ALDH1L1: variants seen among roughly 807,000 people sequenced by gnomAD.
ALDH1L1 encodes the protein aldehyde dehydrogenase 1 family member L1.
In ALDH1L1, 68 loss-of-function variants were observed where a neutral mutation model predicts 101.1. The observed-to-expected ratio is 0.67, with a 90% CI of 0.55 to 0.82. The LOEUF is 0.82. Among genes scored for constraint, ALDH1L1 ranks in the 40% least tolerant of loss-of-function variants. The pLI is 0.00. For synonymous variants in ALDH1L1, 486 were observed against 470.8 expected (o/e 1.03, Z -0.42); for missense variants, 1,087 against 1,172.7 (o/e 0.93, Z 1.07).
intron 1 of ALDH1L1, among the ~76,000 whole-genome samples, chr3:126,192,518 C>A (rs983364104): frequency 6.6e-6 from 1 of 152,194 alleles, no homozygotes; most frequent in South Asian, 2.1e-4. Flanking sequence ...GTGGAGAGCA[C>A]AACAGATCTC....
At chr3:126,144,290 A>C (rs1218272049) in intron 9 of ALDH1L1, among the ~76,000 whole-genome samples, 1 of 152,220 alleles carries the variant, frequency 6.6e-6, no homozygotes, top group East Asian at 1.9e-4. Flanking sequence ...TACTGCCCAA[A>C]GTTATGTACA....
At chr3:126,135,504 A>C (rs755490577) in intron 12 of ALDH1L1, 31 bp downstream of exon 12, 1 of 1,594,262 alleles carries the variant, frequency 6.3e-7, no homozygotes, top group Non-Finnish European at 8.5e-7. Flanking sequence ...TGATGGTGGC[A>C]GTGGCTGGCA....
At chr3:126,114,435 G>A (rs1576416148) in intron 18 of ALDH1L1, 122 bp downstream of exon 18, 2 of 728,830 alleles carry the variant, frequency 2.7e-6, no homozygotes, top group Non-Finnish European at 4.1e-6. Context: ...TTGTGATGAC[G>A]CTATGGACTC....
intron 8 of ALDH1L1, among the ~76,000 whole-genome samples, chr3:126,148,384 C>A (rs1011467952): frequency 1.3e-5 from 2 of 152,216 alleles, no homozygotes; most frequent in African/African-American, 2.4e-5. Flanking sequence ...ACCTGCCGAG[C>A]CCACAGCAGG....
Position 126,105,824 on chromosome 3 carries a change from T to C in ALDH1L1, c.2555A>G (p.Lys852Arg). The C allele has an allele frequency of 6.2e-7, 1 of 1,614,196 alleles. No individual in the cohort carries two copies. The highest frequency in any genetic ancestry group is 8.5e-7 in the Non-Finnish European group (1 of 1,180,040). The change falls in exon 22 of 23, where the codon AAG becomes AGG. Residue 852 changes from lysine to arginine, a missense_variant. By Grantham distance (26) the Lys-to-Arg change is conservative. Coordinates refer to ENST00000393434, the MANE Select transcript of ALDH1L1 (RefSeq NM_012190.4). ...GACAAACACAGTGCCTGCCTGGAGC[T>C]TGTCACTGACATACAGGGCCTTGTT... is the stretch of plus-strand genomic sequence containing the variant. ...DINKALYVSD[K>R]LQAGTVFVNT...
At position 126,153,483 on chromosome 3, in the gene ALDH1L1, G is replaced by A; in HGVS notation, c.819C>T (p.Thr273=). Residue 273 remains threonine, a synonymous_variant, in exon 7 of 23, where the codon ACC becomes ACT. Transcript: ENST00000393434. ...IPGAHRPGVV[T]KAGLILFGND... Reference sequence around the variant, plus strand: ...TCCCAAAGAGGATGAGTCCTGCTTTGGTGACCACCCCTGGCCGATGGGCTC... The same window carrying A: ...TCCCAAAGAGGATGAGTCCTGCTTTAGTGACCACCCCTGGCCGATGGGCTC... 1 of 1,614,154 alleles carries A rather than the reference G, an allele frequency of 6.2e-7. No homozygotes were observed. Among genetic ancestry groups the A allele is most frequent in the Non-Finnish European group, 8.5e-7 (1 of 1,180,040 alleles).
At chr3:126,147,098 C>T (rs2080708055) in intron 8 of ALDH1L1, among the ~76,000 whole-genome samples, 172 bp from the exon 9 acceptor site, 1 of 152,158 alleles carries the variant, frequency 6.6e-6, no homozygotes, top group African/African-American at 2.4e-5. Context: ...CTGGAGTGAC[C>T]ACCTTCTGGG....
chr3:126,187,878 A>G (rs1293530643), intron 1 of ALDH1L1, among the ~76,000 whole-genome samples: 1 of 140,962 alleles, frequency 7.1e-6, no homozygotes, highest in Non-Finnish European at 1.5e-5. Flanking sequence ...GGTTCGGGTG[A>G]CAACGGCTCT....
intron 13 of ALDH1L1, among the ~76,000 whole-genome samples, 163 bp from the exon 14 acceptor site, chr3:126,130,456 G>GTGTT (rs1317700609): frequency 6.6e-6 from 1 of 152,254 alleles, no homozygotes; most frequent in Non-Finnish European, 1.5e-5. Context: ...GAGGGGCAAG[G>GTGTT]TGTTTGCTCC....
At chr3:126,145,703 G>T (rs971917618) in intron 9 of ALDH1L1, among the ~76,000 whole-genome samples, 1 of 152,170 alleles carries the variant, frequency 6.6e-6, no homozygotes, top group Non-Finnish European at 1.5e-5. Flanking sequence ...GCTGTTCAAC[G>T]GACAGAAAGG....
chr3:126,158,910 C>T (rs531189256), intron 2 of ALDH1L1, among the ~76,000 whole-genome samples: 8 of 152,296 alleles, frequency 5.3e-5, no homozygotes, highest in South Asian at 4.1e-4. Context: ...CCTCTGCCCT[C>T]ATTCCTCTCC....
At chr3:126,106,059 G>T in intron 21 of ALDH1L1, 134 bp from the exon 22 acceptor site, 1 of 919,210 alleles carries the variant, frequency 1.1e-6, no homozygotes, top group East Asian at 2.6e-5. Context: ...CTGCAGCGCC[G>T]GGGGCAAGAT....
At chr3:126,123,321 A>G (rs6766854) in intron 16 of ALDH1L1, among the ~76,000 whole-genome samples, 89,832 of 150,742 alleles carry the variant, frequency 0.6, 26,998 homozygotes, top group African/African-American at 0.67. Flanking sequence ...GCAGTGGCAC[A>G]ATCTCGGATC....
At chr3:126,106,049 C>A in intron 21 of ALDH1L1, 124 bp from the exon 22 acceptor site, 1 of 1,044,606 alleles carries the variant, frequency 9.6e-7, no homozygotes, top group Middle Eastern at 2.7e-4. Flanking sequence ...ATGTGCCGGG[C>A]TGCAGCGCCG....
intron 14 of ALDH1L1, 133 bp from the exon 15 acceptor site, chr3:126,125,854 T>A: frequency 1.7e-6 from 1 of 575,906 alleles, no homozygotes; most frequent in Non-Finnish European, 2.9e-6. Flanking sequence ...GCACCCAAGG[T>A]CCCTCTGAGA....
intron 14 of ALDH1L1, 59 bp downstream of exon 14, chr3:126,130,164 T>C (rs2080271184): frequency 1.0e-5 from 15 of 1,490,694 alleles, no homozygotes; most frequent in Non-Finnish European, 1.4e-5. Context: ...TGTGCTACAG[T>C]TCCGTGTACT....
In ALDH1L1 at chr3:126,153,510, T is replaced by TG. The variant is rs1288370259; in HGVS notation, c.791dup (p.Gly265ArgfsTer19). The TG allele has an allele frequency of 5.0e-6, 8 of 1,614,140 alleles. No individual in the cohort carries two copies. The highest frequency in any genetic ancestry group is 6.8e-6 in the Non-Finnish European group (8 of 1,180,012). ...TGACCACCCCTGGCCGATGGGCTCC[T>TG]GGGATGGGCAAAGCGTCTCCCTCGG... On this transcript the variant is annotated frameshift_variant, in exon 7 of 23. Transcript: ENST00000393434. LOFTEE classifies it high-confidence loss of function.
chr3:126,111,404 A>T (rs1043665752), intron 19 of ALDH1L1, among the ~76,000 whole-genome samples: 1 of 152,226 alleles, frequency 6.6e-6, no homozygotes, highest in African/African-American at 2.4e-5. Context: ...TGTCCCACGA[A>T]GCCACCCGCT....
At chr3:126,186,039 G>T (rs1369233942), upstream of ALDH1L1, among the ~76,000 whole-genome samples, 1 of 152,090 alleles carries the variant, frequency 6.6e-6, no homozygotes, top group African/African-American at 2.4e-5. Context: ...GGGGAGGGGA[G>T]AATGGGGAGT....
Sources: allele counts gnomAD v4.1 joint callset (sites outside exome capture counted in the v4.1 genomes callset), GRCh38; gene constraint gnomAD v4.1.1; transcripts MANE v1.5; gene names NCBI Gene and HGNC (gene_info 2026-07-23, HGNC 2026-07-21).